ARMC8: variants seen among roughly 807,000 people sequenced by gnomAD.
ARMC8 encodes armadillo repeat containing 8.
Under a neutral mutation model 99.3 loss-of-function variants are expected in ARMC8, and 20 were observed. The observed-to-expected ratio is 0.20, with a 90% CI of 0.14 to 0.29. ARMC8 has a LOEUF of 0.29. Ranked by LOEUF, ARMC8 falls within the 10% of genes least tolerant of loss-of-function variation. The pLI, the probability that ARMC8 is intolerant of heterozygous loss-of-function variation, is 1.00. For synonymous variants in ARMC8, 263 were observed against 278.3 expected (o/e 0.95, Z 0.55); for missense variants, 569 against 809.5 (o/e 0.70, Z 3.60).
intron 2 of ARMC8, among the ~76,000 whole-genome samples, chr3:138,214,943 G>A (rs889499719): frequency 2.0e-5 from 3 of 152,140 alleles, no homozygotes; most frequent in Non-Finnish European, 4.4e-5. Flanking sequence ...ACTGTGCCCC[G>A]TCTTAATCAG....
intron 21 of ARMC8, among the ~76,000 whole-genome samples, chr3:138,292,681 T>C (rs529833171): frequency 1.3e-5 from 2 of 152,120 alleles, no homozygotes; most frequent in East Asian, 3.9e-4. Context: ...GAGTTCTTGT[T>C]TGGGTATGCC....
chr3:138,188,218 G>A, intron 1 of ARMC8: 1 of 423,278 alleles, frequency 2.4e-6, no homozygotes, highest in Non-Finnish European at 4.2e-6. Context: ...GCTCTGCTCA[G>A]AGGTCGCGGC....
chr3:138,242,111 G>C, intron 11 of ARMC8, 128 bp downstream of exon 11: 1 of 714,478 alleles, frequency 1.4e-6, no homozygotes, highest in South Asian at 1.9e-5. Context: ...TTTATCTTTG[G>C]TAACATAGAT....
intron 16 of ARMC8, among the ~76,000 whole-genome samples, chr3:138,270,489 T>A (rs1423296357): frequency 6.6e-6 from 1 of 152,208 alleles, no homozygotes; most frequent in Non-Finnish European, 1.5e-5. Context: ...AGAACAACTT[T>A]ATGATACCAA....
intron 2 of ARMC8, among the ~76,000 whole-genome samples, chr3:138,212,081 A>G (rs2044726538): frequency 1.3e-5 from 2 of 152,200 alleles, no homozygotes. Flanking sequence ...ATCTGTTTAT[A>G]GTTTAAAGGG....
At chr3:138,265,450 C>G (rs183632750) in intron 14 of ARMC8, among the ~76,000 whole-genome samples, 13 of 152,138 alleles carry the variant, frequency 8.5e-5, no homozygotes, top group African/African-American at 3.1e-4. Context: ...TTTTTGCATA[C>G]CTGCTATGTA....
intron 2 of ARMC8, among the ~76,000 whole-genome samples, chr3:138,212,308 CT>C (rs898136861): frequency 0.037 from 4,913 of 131,646 alleles, 150 homozygotes; most frequent in African/African-American, 0.11. Context: ...TTTAAGTAAT[CT>C]TTTTTTTTTT....
intron 1 of ARMC8, among the ~76,000 whole-genome samples, chr3:138,199,435 G>T (rs980351424): frequency 6.6e-6 from 1 of 152,176 alleles, no homozygotes; most frequent in African/African-American, 2.4e-5. Context: ...GGACATGATA[G>T]CTGTCTCCAA....
chr3:138,198,769 C>A lies in ARMC8; in HGVS notation c.46-11048C>A, dbSNP rs1576585971. Reference sequence around the variant, plus strand: ...CCTTGTGATTCCCCTGCTTCGGCCTCCCAAAGTGCTGGGATTACAGGCATG... The same window carrying A: ...CCTTGTGATTCCCCTGCTTCGGCCTACCAAAGTGCTGGGATTACAGGCATG... On this transcript the variant is annotated intron_variant, in intron 1 of 21. Transcript: ENST00000469044. Among the ~76,000 whole-genome samples the A allele has an allele frequency of 2.0e-5, 3 of 152,018 alleles. No individual in the cohort carries two copies. The South Asian group carries it at 6.2e-4, about 32-fold the overall frequency.
intron 14 of ARMC8, among the ~76,000 whole-genome samples, chr3:138,265,356 C>G (rs1409622947): frequency 6.6e-6 from 1 of 152,198 alleles, no homozygotes; most frequent in Non-Finnish European, 1.5e-5. Context: ...CACTACAAAA[C>G]TTGGTCTTTG....
At chr3:138,209,068 C>T (rs1169530590) in intron 1 of ARMC8, among the ~76,000 whole-genome samples, 2 of 152,238 alleles carry the variant, frequency 1.3e-5, no homozygotes, top group Non-Finnish European at 2.9e-5. Context: ...AGGATTTCCT[C>T]TTGTACCTAG....
At chr3:138,230,115 C>G (rs368268448) in intron 6 of ARMC8, among the ~76,000 whole-genome samples, 4 of 152,188 alleles carry the variant, frequency 2.6e-5, no homozygotes, top group Admixed American at 1.3e-4. Context: ...TTTGAAGTTT[C>G]TCTTCTTGGA....
intron 1 of ARMC8, among the ~76,000 whole-genome samples, chr3:138,198,519 TATTA>T (rs1248514624): frequency 1.0e-4 from 15 of 149,584 alleles, no homozygotes; most frequent in African/African-American, 3.5e-4. Flanking sequence ...TTATTATTAT[TATTA>T]TTTTTTGAGA....
At position 138,284,886 on chromosome 3, in the gene ARMC8, C is replaced by T. The variant is rs370256006; in HGVS notation, c.1821+360C>T. 8.5e-4 allele frequency among the ~76,000 whole-genome samples: 129 copies of T among 152,328 alleles called. 1 individual carries two copies. The highest frequency in any genetic ancestry group is 2.9e-3 in the African/African-American group (122 of 41,582). Reference sequence around the variant, plus strand: ...GTGGATGAACCCTCTAGCCCCCTGGCACCATAGTTCCTTTACCTGTTTGCT... The same window carrying T: ...GTGGATGAACCCTCTAGCCCCCTGGTACCATAGTTCCTTTACCTGTTTGCT... On this transcript the variant is annotated intron_variant, in intron 19 of 21. Transcript: ENST00000469044.
intron 11 of ARMC8, among the ~76,000 whole-genome samples, chr3:138,244,280 T>G (rs1380287283): frequency 1.3e-5 from 2 of 151,974 alleles, no homozygotes; most frequent in East Asian, 3.9e-4. Flanking sequence ...TTATTTTTAT[T>G]TATTTATTTA....
intron 18 of ARMC8, among the ~76,000 whole-genome samples, chr3:138,275,867 G>GA (rs892883507): frequency 6.6e-6 from 1 of 151,996 alleles, no homozygotes; most frequent in Non-Finnish European, 1.5e-5. Flanking sequence ...GTGTTTTGAT[G>GA]AAAAAAATTT....
intron 12 of ARMC8, among the ~76,000 whole-genome samples, chr3:138,257,792 C>T (rs778806269): frequency 3.9e-5 from 6 of 152,144 alleles, no homozygotes; most frequent in South Asian, 2.1e-4. Flanking sequence ...AATTGCCATC[C>T]GCACCCAGCA....
rs1279367465 is a variant in ARMC8, at chr3:138,284,496, T to C, written c.1791T>C (p.Asp597=). 1.9e-6 allele frequency: 3 copies of C among 1,613,444 alleles called. No individual in the cohort carries two copies. The highest frequency in any genetic ancestry group is 2.5e-6 in the Non-Finnish European group (3 of 1,179,362). Residue 597 remains aspartate (D), a synonymous_variant, in exon 19 of 22, where the codon GAT becomes GAC. Coordinates refer to ENST00000469044, the MANE Select transcript of ARMC8 (RefSeq NM_001363941.2). ...TTAKDLIMTN[D]DILQKIKYYM... is the part of the protein sequence containing the mutation. ...CAAAAGATCTTATTATGACCAATGA[T>C]GATATCCTACAGAAAATCAAGTATT...
chr3:138,264,268 G>A (rs2048034672), intron 14 of ARMC8, 56 bp downstream of exon 14: 5 of 1,396,882 alleles, frequency 3.6e-6, no homozygotes, highest in Non-Finnish European at 5.1e-6. Context: ...AGAGTGAGCT[G>A]AGCTAGCTAA....
Sources: gnomAD v4.1 joint callset for allele counts (sites outside exome capture counted in the v4.1 genomes callset) on GRCh38, gnomAD v4.1.1 for gene constraint, MANE v1.5 for transcripts, NCBI Gene and HGNC (gene_info 2026-07-23, HGNC 2026-07-21) for gene names.